The following PRDM11 variants were observed in gnomAD, a reference collection of about 807,000 sequenced individuals.
PRDM11 encodes PR/SET domain 11.
Under a neutral mutation model 97.8 loss-of-function variants are expected in PRDM11, and 20 were observed. The ratio of observed to expected loss-of-function variants is 0.20; its 90% confidence interval spans 0.14 to 0.30. The LOEUF (loss-of-function observed/expected upper bound fraction) is 0.30, where lower values mean the gene tolerates loss of function less well. Ranked by LOEUF, PRDM11 falls within the 10% of genes least tolerant of loss-of-function variation. PRDM11 has a pLI of 1.00. For missense variants in PRDM11, 1,139 were observed against 1,555.2 expected, an observed-to-expected ratio of 0.73 and a Z score of 4.50; for synonymous variants, 599 against 637.7, an observed-to-expected ratio of 0.94 and a Z score of 0.91.
At chr11:45,108,514 G>A (rs955549923) in intron 1 of PRDM11, among the ~76,000 whole-genome samples, 4 of 152,184 alleles carry the variant, frequency 2.6e-5, no homozygotes, top group Non-Finnish European at 4.4e-5. Context: ...CTGCACTCTC[G>A]GCTGGCATTT....
chr11:45,123,016 C>T (rs1449019137), intron 1 of PRDM11, among the ~76,000 whole-genome samples: 1 of 152,024 alleles, frequency 6.6e-6, no homozygotes, highest in East Asian at 1.9e-4. Flanking sequence ...TGTTTCCTGA[C>T]TTTTTAATGA....
chr11:45,165,341 C>T (rs888972957), intron 1 of PRDM11, among the ~76,000 whole-genome samples: 1 of 152,206 alleles, frequency 6.6e-6, no homozygotes, highest in African/African-American at 2.4e-5. Flanking sequence ...TGTATTGAGC[C>T]CTGCCGGTGC....
At chr11:45,179,712 A>G (rs1590409786) in intron 1 of PRDM11, among the ~76,000 whole-genome samples, 1 of 152,310 alleles carries the variant, frequency 6.6e-6, no homozygotes, top group East Asian at 1.9e-4. Flanking sequence ...ACCTCCTCAC[A>G]GCCCCATCTG....
chr11:45,225,153 C>T, intron 7 of PRDM11: 1 of 1,358,884 alleles, frequency 7.4e-7, no homozygotes, highest in Non-Finnish European at 9.5e-7. Context: ...TACCCCAAAG[C>T]CCAATTTCTA....
intron 1 of PRDM11, among the ~76,000 whole-genome samples, chr11:45,135,740 T>C (rs1216298814): frequency 6.6e-6 from 1 of 152,226 alleles, no homozygotes; most frequent in African/African-American, 2.4e-5. Flanking sequence ...TCAATTCTCC[T>C]CAAATTAACC....
chr11:45,208,757 G>A (rs1853606933), intron 5 of PRDM11: 1 of 358,398 alleles, frequency 2.8e-6, no homozygotes, highest in Non-Finnish European at 5.6e-6. Context: ...TGTGGTGGGG[G>A]CCAGGTTGCC....
At position 45,182,712 on chromosome 11, in the gene PRDM11, G is replaced by A. The variant is rs191921917; in HGVS notation, c.224-149G>A. The A allele has an allele frequency of 3.6e-4, 364 of 998,496 alleles. 2 individuals are homozygous for A. In the African/African-American group the frequency reaches 5.3e-3, roughly 14 times the overall value. The allele number at this position is 998,496 out of a possible 1,614,324, so 61.9% of individuals were successfully genotyped here. A position where few individuals can be genotyped will look rare whatever the true frequency, so the allele number is the denominator to read the frequency against. On this transcript the variant is annotated intron_variant, in intron 3 of 7. Coordinates refer to ENST00000683152, the MANE Select transcript of PRDM11 (RefSeq NM_001384648.1). The stretch of plus-strand genomic sequence containing the variant: ...GGCAGGCCTGTTCTTGGAGCCCCCA[G>A]GGAGAGTATGGGTTATTGCTACCGA...
intron 1 of PRDM11, chr11:45,147,729 C>G (rs1486620106): frequency 6.6e-6 from 1 of 152,250 alleles, no homozygotes; most frequent in Non-Finnish European, 1.5e-5. Flanking sequence ...GTCTAGAGCC[C>G]AGTTGGGAGA....
chr11:45,201,548 C>T (rs1853325695), intron 4 of PRDM11, among the ~76,000 whole-genome samples: 1 of 151,990 alleles, frequency 6.6e-6, no homozygotes, highest in African/African-American at 2.4e-5. Flanking sequence ...GGCTTGAGTA[C>T]AGTGGCACAA....
chr11:45,094,202 C>G (rs1005406808), upstream of PRDM11, among the ~76,000 whole-genome samples: 1 of 152,180 alleles, frequency 6.6e-6, no homozygotes, highest in Non-Finnish European at 1.5e-5. Flanking sequence ...AATGTGAGTC[C>G]CTTGTCCTCC....
rs770503547 is a variant in PRDM11 at position 45,227,351 on chromosome 11, A to G, written c.2726A>G (p.Asp909Gly). Reference protein sequence around the residue: ...QGEYLLVSQVDDKIEEAIQEI... With the variant: ...QGEYLLVSQVGDKIEEAIQEI... ...GAGTACCTGCTGGTGTCCCAGGTGG[A>G]TGACAAGATCGAGGAGGCCATCCAG... Residue 909 changes from aspartate to glycine, a missense_variant, in exon 8 of 8, where the codon GAT becomes GGT. Asp to Gly is a moderately conservative substitution (Grantham distance 94). Around this residue, in one of 2 missense-constraint regions of PRDM11, gnomAD observed 710 missense variants for 1,044.9 expected, o/e 0.68. Coordinates refer to ENST00000683152, the MANE Select transcript of PRDM11 (RefSeq NM_001384648.1). The surrounding 1 kb of genome is among the most constrained non-coding windows in gnomAD (Gnocchi z 8.0). 1.6e-5 allele frequency: 25 copies of G among 1,533,840 alleles called. No individual in the cohort carries two copies. Among genetic ancestry groups the G allele is most frequent in the Non-Finnish European group, 2.1e-5 (24 of 1,146,738 alleles).
At chr11:45,142,376 C>A (rs543459058), upstream of PRDM11, among the ~76,000 whole-genome samples, 1 of 152,276 alleles carries the variant, frequency 6.6e-6, no homozygotes, top group Admixed American at 6.5e-5. Flanking sequence ...GTGTCCCCTT[C>A]CCAGGAATTC....
At chr11:45,166,698 C>T (rs1179089879) in intron 1 of PRDM11, among the ~76,000 whole-genome samples, 2 of 152,236 alleles carry the variant, frequency 1.3e-5, no homozygotes, top group Non-Finnish European at 2.9e-5. Flanking sequence ...GATAATGCTT[C>T]ACAGAGTATG....
At chr11:45,180,827 G>T (rs933220883) in intron 1 of PRDM11, among the ~76,000 whole-genome samples, 3 of 151,338 alleles carry the variant, frequency 2.0e-5, no homozygotes, top group Non-Finnish European at 4.4e-5. Context: ...GGGGCGGCGC[G>T]CCCGGCCTGG....
chr11:45,170,985 T>C (rs1389503926), intron 1 of PRDM11, among the ~76,000 whole-genome samples: 1 of 152,204 alleles, frequency 6.6e-6, no homozygotes, highest in African/African-American at 2.4e-5. Context: ...GTTGCCAGTC[T>C]TTTGCTATCC....
intron 1 of PRDM11, among the ~76,000 whole-genome samples, chr11:45,135,084 T>C (rs886437439): frequency 6.6e-6 from 1 of 151,918 alleles, no homozygotes; most frequent in Non-Finnish European, 1.5e-5. Context: ...CTGGGCAACA[T>C]AGTGAGACCC....
intron 1 of PRDM11, among the ~76,000 whole-genome samples, chr11:45,177,421 G>C (rs2135727143): frequency 6.6e-6 from 1 of 152,324 alleles, no homozygotes; most frequent in East Asian, 1.9e-4. Flanking sequence ...AAAGGCAACA[G>C]GGGCTTTACC....
chr11:45,145,958 G>C (rs1023410052), upstream of PRDM11, among the ~76,000 whole-genome samples: 1 of 152,114 alleles, frequency 6.6e-6, no homozygotes, highest in African/African-American at 2.4e-5. Flanking sequence ...AGTGAATGCC[G>C]CTTAAACATC....
At chr11:45,177,212 C>A (rs970315996) in intron 1 of PRDM11, among the ~76,000 whole-genome samples, 1 of 152,254 alleles carries the variant, frequency 6.6e-6, no homozygotes. Flanking sequence ...CTGCAGACTC[C>A]TGGGCTGCAT....
Sources: allele counts gnomAD v4.1 joint callset (sites outside exome capture counted in the v4.1 genomes callset), GRCh38; gene constraint gnomAD v4.1.1; regional missense constraint gnomAD v4.1.1; non-coding constraint Gnocchi (gnomAD v3.1); transcripts MANE v1.5; gene names NCBI Gene and HGNC (gene_info 2026-07-23, HGNC 2026-07-21).